The following C10orf90 variants were observed in gnomAD, a reference collection of about 807,000 sequenced individuals.
C10orf90 encodes (E2-independent) E3 ubiquitin-conjugating enzyme FATS.
A neutral mutation model predicts 62.5 loss-of-function variants in C10orf90; 56 were observed. That is an observed-to-expected ratio of 0.90 (90% CI 0.72 to 1.12). The LOEUF is 1.12. Among genes scored for constraint, C10orf90 ranks in the 50% most tolerant of loss-of-function variants. The pLI, the probability that C10orf90 is intolerant of heterozygous loss-of-function variation, is 0.00. For missense variants in C10orf90, 970 were observed against 880.4 expected (o/e 1.10, Z -1.29); for synonymous variants, 386 against 340.4 (o/e 1.13, Z -1.47).
chr10:126,447,934 C>G (rs936561472), intron 7 of C10orf90, among the ~76,000 whole-genome samples: 6 of 151,480 alleles, frequency 4.0e-5, no homozygotes, highest in Non-Finnish European at 8.8e-5. Context: ...TCAGTGCAAC[C>G]TCCGCCTCCG....
Position 126,524,226 on chromosome 10 carries a change from A to G in C10orf90, c.314-10287T>C, listed in dbSNP as rs558637508. On this transcript the variant is annotated intron_variant, in intron 2 of 9. Transcript: ENST00000488181. ...TGGTAGTAATCTTAAAACCATCTTTAAAAACATTCCTTCCTCCCTTCATGA... is the reference window on the plus strand; with the variant it reads ...TGGTAGTAATCTTAAAACCATCTTTGAAAACATTCCTTCCTCCCTTCATGA... Among the ~76,000 whole-genome samples the G allele has an allele frequency of 3.2e-4, 49 of 152,302 alleles. No individual in the cohort carries two copies. In the South Asian group the frequency reaches 9.7e-3, roughly 30 times the overall value.
chr10:126,542,456 T>C (rs141361618), intron 2 of C10orf90, among the ~76,000 whole-genome samples: 2,006 of 152,166 alleles, frequency 0.013, 24 homozygotes, highest in African/African-American at 0.017. Context: ...TGAGCTGAGA[T>C]TGTGCCACTG....
chr10:126,438,851 G>A (rs1858101667), intron 7 of C10orf90, among the ~76,000 whole-genome samples: 1 of 152,022 alleles, frequency 6.6e-6, no homozygotes, highest in South Asian at 2.1e-4. Flanking sequence ...ATGGCAGTGG[G>A]AGTGCCGATG....
chr10:126,553,268 T>G (rs999232373), intron 2 of C10orf90, among the ~76,000 whole-genome samples: 2 of 152,200 alleles, frequency 1.3e-5, no homozygotes, highest in Admixed American at 1.3e-4. Context: ...GTATATCTTA[T>G]GTTCTATTAC....
Position 126,464,939 on chromosome 10 carries a change from C to T in C10orf90, c.1582G>A (p.Val528Ile), listed in dbSNP as rs977962064. Reference protein sequence around the residue: ...SGSSKRQQGEVCMTVSAPPVE... With the variant: ...SGSSKRQQGEICMTVSAPPVE... ...GGAGGAGCAGACACAGTCATACATA[C>T]TTCTCCTTGTTGCCTCTTGCTGCTT... Residue 528 changes from valine (V) to isoleucine (I), a missense_variant, in exon 5 of 10, where the codon GTA becomes ATA. By Grantham distance (29) the Val-to-Ile change is conservative. Transcript: ENST00000488181. 3 of 1,598,472 alleles carry T rather than the reference C, an allele frequency of 1.9e-6. No individual in the cohort carries two copies. The highest frequency in any genetic ancestry group is 2.6e-6 in the Non-Finnish European group (3 of 1,166,826).
intron 1 of C10orf90, among the ~76,000 whole-genome samples, chr10:126,665,778 G>C (rs973367482): frequency 2.6e-5 from 4 of 152,172 alleles, no homozygotes; most frequent in African/African-American, 9.7e-5. Flanking sequence ...AGGAGGTAGA[G>C]ACGGAAATTA....
At chr10:126,579,144 A>T (rs374349717) in intron 2 of C10orf90, among the ~76,000 whole-genome samples, 9 of 152,078 alleles carry the variant, frequency 5.9e-5, no homozygotes, top group African/African-American at 2.2e-4. Context: ...GCAACAGCAT[A>T]CGCCATATCC....
intron 2 of C10orf90, among the ~76,000 whole-genome samples, chr10:126,552,282 A>G (rs1864652772): frequency 6.6e-6 from 1 of 152,216 alleles, no homozygotes; most frequent in Admixed American, 6.5e-5. Context: ...GAAGGAATGA[A>G]CAGAACAGCT....
chr10:126,550,849 A>G (rs1307009059), intron 2 of C10orf90, among the ~76,000 whole-genome samples: 1 of 152,150 alleles, frequency 6.6e-6, no homozygotes, highest in Non-Finnish European at 1.5e-5. Flanking sequence ...ATGAACCTAT[A>G]ATTGTCACCA....
chr10:126,555,190 C>CTAAT (rs1451918871), intron 2 of C10orf90, among the ~76,000 whole-genome samples: 2 of 152,150 alleles, frequency 1.3e-5, no homozygotes, highest in African/African-American at 4.8e-5. Context: ...TCATTCCTTA[C>CTAAT]TAATTCACAA....
intron 2 of C10orf90, among the ~76,000 whole-genome samples, chr10:126,620,801 T>C (rs1250362996): frequency 1.3e-5 from 2 of 151,954 alleles, no homozygotes; most frequent in African/African-American, 4.8e-5. Flanking sequence ...TTTTGTTTGG[T>C]TTTAAATTTA....
chr10:126,669,006 C>CACTTTTGTAA (rs72163291), intron 1 of C10orf90, among the ~76,000 whole-genome samples: 48,389 of 151,854 alleles, frequency 0.32, 7,743 homozygotes, highest in South Asian at 0.4. Flanking sequence ...AAGCTATGAA[C>CACTTTTGTAA]AATGCATAAT....
intron 2 of C10orf90, among the ~76,000 whole-genome samples, chr10:126,521,821 A>G (rs940937652): frequency 6.6e-6 from 1 of 152,244 alleles, no homozygotes; most frequent in Non-Finnish European, 1.5e-5. Flanking sequence ...TTGACACTAA[A>G]TTATAATGAG....
intron 8 of C10orf90, among the ~76,000 whole-genome samples, chr10:126,427,581 A>G (rs918567995): frequency 6.6e-6 from 1 of 152,160 alleles, no homozygotes; most frequent in African/African-American, 2.4e-5. Flanking sequence ...CAGGAGGAAG[A>G]AGGCAGGATA....
chr10:126,565,249 A>ATTAAATATTATGTAATATAATAT (rs1844335926), intron 2 of C10orf90, among the ~76,000 whole-genome samples: 1 of 27,394 alleles, frequency 3.7e-5, no homozygotes, highest in African/African-American at 1.1e-4. Context: ...TATAATATTT[A>ATTAAATATTATGTAATATAATAT]TTATATTATA....
At chr10:126,434,032 C>T (rs1280668482) in intron 7 of C10orf90, among the ~76,000 whole-genome samples, 1 of 152,162 alleles carries the variant, frequency 6.6e-6, no homozygotes, top group Non-Finnish European at 1.5e-5. Flanking sequence ...AAAAGTCTTG[C>T]ATCTGCCTCA....
At chr10:126,436,373 A>G (rs1857922082) in intron 7 of C10orf90, among the ~76,000 whole-genome samples, 1 of 152,210 alleles carries the variant, frequency 6.6e-6, no homozygotes, top group African/African-American at 2.4e-5. Flanking sequence ...CTAGGATTTA[A>G]TGATTCAAAT....
At chr10:126,602,598 G>A (rs1307290263) in intron 2 of C10orf90, among the ~76,000 whole-genome samples, 5 of 152,116 alleles carry the variant, frequency 3.3e-5, no homozygotes, top group African/African-American at 1.2e-4. Flanking sequence ...TCAGAGCAGG[G>A]CCATTTTCCT....
chr10:126,560,496 C>T (rs10794090), intron 2 of C10orf90, among the ~76,000 whole-genome samples: 65,226 of 151,916 alleles, frequency 0.43, 14,077 homozygotes, highest in African/African-American at 0.45. Flanking sequence ...GTGTCCAGTC[C>T]TGACTCACAA....
Sources: allele counts gnomAD v4.1 joint callset (sites outside exome capture counted in the v4.1 genomes callset), GRCh38; gene constraint gnomAD v4.1.1; transcripts MANE v1.5; gene names NCBI Gene and HGNC (gene_info 2026-07-23, HGNC 2026-07-21).